AK9: variants seen among roughly 807,000 people sequenced by gnomAD.
The protein encoded by AK9 is adenylate kinase domain containing 1.
AK9 carries 191 observed loss-of-function variants against 239.6 expected under a neutral mutation model. That is an observed-to-expected ratio of 0.80 (90% CI 0.71 to 0.90). The LOEUF (loss-of-function observed/expected upper bound fraction) is 0.90. Ranked by LOEUF, AK9 falls within the 40% of genes least tolerant of loss-of-function variation. AK9 has a pLI of 0.00. For missense variants in AK9, 1,995 were observed against 2,214.7 expected, an observed-to-expected ratio of 0.90 and a Z score of 1.99; for synonymous variants, 689 against 721.0, an observed-to-expected ratio of 0.96 and a Z score of 0.71.
chr6:109,624,619 C>T (rs1310566226), intron 12 of AK9, among the ~76,000 whole-genome samples: 1 of 152,134 alleles, frequency 6.6e-6, no homozygotes, highest in Non-Finnish European at 1.5e-5. Context: ...GTCTTCTAGG[C>T]TCATTTTACA....
chr6:109,651,213 C>T (rs1028340826), intron 8 of AK9, among the ~76,000 whole-genome samples: 2 of 151,364 alleles, frequency 1.3e-5, no homozygotes, highest in Non-Finnish European at 2.9e-5. Context: ...CACATGTACC[C>T]TAAAACTTAA....
intron 2 of AK9, 138 bp downstream of exon 2, chr6:109,675,490 AT>A: frequency 1.8e-6 from 1 of 554,290 alleles, no homozygotes; most frequent in Non-Finnish European, 3.1e-6. Context: ...ATTATGGCAG[AT>A]TTTAAGTCAT....
At chr6:109,547,604 T>C (rs73523152) in intron 25 of AK9, among the ~76,000 whole-genome samples, 2,030 of 151,960 alleles carry the variant, frequency 0.013, 45 homozygotes, top group African/African-American at 0.045. Context: ...GAAGAAAACA[T>C]TGGGGAAGTG....
At chr6:109,583,242 T>A (rs1789085759) in intron 19 of AK9, among the ~76,000 whole-genome samples, 3 of 152,276 alleles carry the variant, frequency 2.0e-5, no homozygotes, top group African/African-American at 4.8e-5. Context: ...GCTGAGAATC[T>A]AAGACCTGAA....
intron 21 of AK9, 38 bp downstream of exon 21, chr6:109,573,404 T>C (rs1453224250): frequency 1.3e-6 from 2 of 1,520,168 alleles, no homozygotes; most frequent in African/African-American, 2.8e-5. Flanking sequence ...TTAATGCACA[T>C]GAGTAGAATT....
In AK9 at chr6:109,497,914, G is replaced by C. The variant is rs1032667040; in HGVS notation, c.5098C>G (p.Leu1700Val). The change falls in exon 37 of 41, where the codon CTC becomes GTC. Residue 1700 changes from leucine to valine, a missense_variant. Leu to Val is a conservative substitution (Grantham distance 32, BLOSUM62 1). Transcript: ENST00000424296. The stretch of plus-strand genomic sequence containing the variant: ...TTGGGGATCATGTCAGCAGATGGGA[G>C]TGGATGAGGTGCTAAGGGAGGCACG... ...LYVPPLAPHP[L>V]PSADMIPKRL... 4 of 1,614,006 alleles carry C rather than the reference G, an allele frequency of 2.5e-6. No individual in the cohort carries two copies. The highest frequency in any genetic ancestry group is 3.4e-6 in the Non-Finnish European group (4 of 1,180,000).
intron 17 of AK9, among the ~76,000 whole-genome samples, chr6:109,601,531 A>C (rs971626998): frequency 1.3e-5 from 2 of 152,090 alleles, no homozygotes; most frequent in Non-Finnish European, 2.9e-5. Flanking sequence ...AGTGTGGTGT[A>C]GTGCTGAGAA....
chr6:109,520,552 C>T (rs570063624), intron 29 of AK9, among the ~76,000 whole-genome samples: 1 of 151,950 alleles, frequency 6.6e-6, no homozygotes, highest in African/African-American at 2.4e-5. Flanking sequence ...TAGTGTGATG[C>T]CTCTGGCTTC....
intron 21 of AK9, among the ~76,000 whole-genome samples, chr6:109,567,629 A>C (rs533253606): frequency 6.6e-6 from 1 of 151,326 alleles, no homozygotes; most frequent in South Asian, 2.1e-4. Context: ...AAAATATCGC[A>C]AGGACAGAAA....
chr6:109,671,994 C>T lies in AK9; in HGVS notation c.256G>A (p.Gly86Ser), dbSNP rs940506673. 7.4e-6 allele frequency: 12 copies of T among 1,613,822 alleles called. No individual in the cohort carries two copies. Among genetic ancestry groups the T allele is most frequent in the Admixed American group, 3.3e-5 (2 of 59,954 alleles). Residue 86 changes from glycine to serine, a missense_variant, in exon 5 of 41, where the codon GGT (glycine) becomes AGT (serine). Around this residue, in one of 5 missense-constraint regions of AK9, gnomAD observed 252 missense variants for 246.4 expected, o/e 1.02. Transcript: ENST00000424296. ...GVMLQSMLIS[G>S]QSIPDELVIK... ...ACAAGTTCATCTGGAATGCTTTGAC[C>T]GCTGATCAACATTGATTGCAACTAA...
intron 35 of AK9, among the ~76,000 whole-genome samples, chr6:109,502,801 G>A (rs560130355): frequency 2.6e-5 from 4 of 152,266 alleles, no homozygotes; most frequent in African/African-American, 7.2e-5. Context: ...CTTAAGGAAC[G>A]GAATCTTACC....
At chr6:109,626,521 G>C (rs1388887463) in intron 12 of AK9, among the ~76,000 whole-genome samples, 1 of 152,186 alleles carries the variant, frequency 6.6e-6, no homozygotes, top group East Asian at 1.9e-4. Flanking sequence ...GATACATTCT[G>C]AGAAATGTGT....
intron 12 of AK9, among the ~76,000 whole-genome samples, chr6:109,623,878 C>CACAT (rs1184082245): frequency 6.8e-6 from 1 of 146,734 alleles, no homozygotes; most frequent in Non-Finnish European, 1.5e-5. Flanking sequence ...CACACACACA[C>CACAT]ACACACACAC....
At chr6:109,530,551 C>A (rs959857282) in intron 28 of AK9, among the ~76,000 whole-genome samples, 1 of 151,992 alleles carries the variant, frequency 6.6e-6, no homozygotes, top group Non-Finnish European at 1.5e-5. Flanking sequence ...ACTGTATTAC[C>A]AAAAAATTGC....
chr6:109,568,273 G>A (rs911808304), intron 21 of AK9, among the ~76,000 whole-genome samples: 4 of 152,016 alleles, frequency 2.6e-5, no homozygotes, highest in African/African-American at 9.7e-5. Flanking sequence ...TTGATGAGAC[G>A]TATCTAAAAA....
intron 17 of AK9, among the ~76,000 whole-genome samples, chr6:109,592,028 A>T (rs1297576239): frequency 6.6e-6 from 1 of 152,176 alleles, no homozygotes; most frequent in Non-Finnish European, 1.5e-5. Context: ...AATCATTAGA[A>T]TTGTCTATTT....
At chr6:109,591,143 T>C (rs1183748152) in intron 17 of AK9, among the ~76,000 whole-genome samples, 2 of 152,186 alleles carry the variant, frequency 1.3e-5, no homozygotes, top group East Asian at 3.8e-4. Flanking sequence ...ATGATTGCAT[T>C]GCTGTCTTTC....
At chr6:109,630,296 T>G (rs769642374) in intron 12 of AK9, among the ~76,000 whole-genome samples, 4 of 152,150 alleles carry the variant, frequency 2.6e-5, no homozygotes, top group Admixed American at 2.0e-4. Context: ...AAATGTATCA[T>G]GTTTATGGAC....
intron 17 of AK9, among the ~76,000 whole-genome samples, chr6:109,598,142 T>C (rs1295087073): frequency 6.6e-6 from 1 of 152,182 alleles, no homozygotes; most frequent in Admixed American, 6.5e-5. Context: ...GTTACATATG[T>C]ACACACGTGC....
Sources: gnomAD v4.1 joint callset for allele counts (sites outside exome capture counted in the v4.1 genomes callset) on GRCh38, gnomAD v4.1.1 for gene constraint, gnomAD v4.1.1 regional missense constraint, MANE v1.5 for transcripts, NCBI Gene and HGNC (gene_info 2026-07-23, HGNC 2026-07-21) for gene names.